GBF1: variants seen among roughly 807,000 people sequenced by gnomAD.
GBF1 encodes the protein golgi brefeldin A resistant guanine nucleotide exchange factor 1.
In GBF1, 114 loss-of-function variants were observed where a neutral mutation model predicts 210.5. The ratio of observed to expected loss-of-function variants is 0.54; its 90% CI spans 0.47 to 0.63. The LOEUF (loss-of-function observed/expected upper bound fraction) is 0.63. Ranked by LOEUF, GBF1 falls within the 30% of genes least tolerant of loss-of-function variation. The pLI is 0.00. For synonymous variants in GBF1, 850 were observed against 889.2 expected (o/e 0.96, Z 0.78); for missense variants, 1,851 against 2,357.7 (o/e 0.79, Z 4.45).
At chr10:102,315,186 A>G (rs2078824783) in intron 3 of GBF1, among the ~76,000 whole-genome samples, 1 of 152,240 alleles carries the variant, frequency 6.6e-6, no homozygotes, top group Admixed American at 6.5e-5. Context: ...CCACCAATTC[A>G]GAAACATCAG....
chr10:102,325,634 C>A (rs2056835078), intron 3 of GBF1, among the ~76,000 whole-genome samples: 1 of 151,120 alleles, frequency 6.6e-6, no homozygotes, highest in South Asian at 2.1e-4. Context: ...CCCATATGAA[C>A]TTACAAAAGT....
chr10:102,375,356 CA>C lies in GBF1; in HGVS notation c.3661-2del. The C allele has an allele frequency of 2.5e-6, 4 of 1,589,978 alleles. No homozygotes were observed. Among genetic ancestry groups the C allele is most frequent in the Non-Finnish European group, 3.5e-6 (4 of 1,158,224 alleles). ...CCCGCTCCCTGCCCTAACCCCACTC[CA>C]GGTGCTGCTCTCCCTGCGCATTTTG... is the stretch of plus-strand genomic sequence containing the variant. On this transcript the variant is annotated splice_acceptor_variant, in intron 29 of 39. Coordinates refer to ENST00000369983, the MANE Select transcript of GBF1 (RefSeq NM_001377137.1). LOFTEE classifies it high-confidence loss of function.
intron 3 of GBF1, among the ~76,000 whole-genome samples, chr10:102,290,094 G>A (rs893243542): frequency 1.3e-5 from 2 of 152,294 alleles, no homozygotes; most frequent in South Asian, 4.1e-4. Flanking sequence ...GGGCAACAGA[G>A]TAAGACCCTT....
At chr10:102,331,851 A>ATT (rs869198412) in intron 3 of GBF1, among the ~76,000 whole-genome samples, 5,122 of 85,330 alleles carry the variant, frequency 0.06, 684 homozygotes, top group African/African-American at 0.095. Flanking sequence ...TACCTGGCTA[A>ATT]TTTTTTTTTT....
Position 102,361,703 on chromosome 10 carries a change from C to A in GBF1, c.1492-15C>A. 2.0e-6 allele frequency: 3 copies of A among 1,537,186 alleles called. No homozygotes were observed. The highest frequency in any genetic ancestry group is 2.6e-6 in the Non-Finnish European group (3 of 1,138,428). ...CCTTTCCCCACCCAAATGGCAATTA[C>A]TGGGTTATTGCCAGATGTACATCAA... On this transcript the variant is annotated splice_polypyrimidine_tract_variant and intron_variant, in intron 13 of 39. Transcript: ENST00000369983.
chr10:102,274,283 ATGG>A (rs1227894934), intron 3 of GBF1, among the ~76,000 whole-genome samples: 3 of 152,126 alleles, frequency 2.0e-5, no homozygotes, highest in African/African-American at 7.2e-5. Flanking sequence ...AGGTTCTAGG[ATGG>A]TCAAAAGAAT....
Position 102,366,482 on chromosome 10 carries a change from G to C in GBF1, c.2409G>C (p.Leu803=). 1 of 1,614,080 alleles carries C rather than the reference G, an allele frequency of 6.2e-7. No homozygotes were observed. Among genetic ancestry groups the C allele is most frequent in the Non-Finnish European group, 8.5e-7 (1 of 1,179,948 alleles). The change falls in exon 19 of 40, where the codon CTG becomes CTC. Residue 803 remains leucine (L), a synonymous_variant. Transcript: ENST00000369983. This position sits in a 1 kb window ranked among gnomAD's most constrained non-coding sequence, Gnocchi z 4.0. ...AAGCACCAGTCATCCAGAGGTTGCT[G>C]GAGGCATTCACAGAGCGTTGGATGG... ...PGEAPVIQRL[L]EAFTERWMNC...
In GBF1 at chr10:102,281,949, CAG is replaced by C. The variant is rs1374560566; in HGVS notation, c.163+21836_163+21837del. ...TCTTTTCTTTTTTTTTTTTTTGAGA[CAG>C]AGTCTCGCTCTGTCGCCCAGGCTGG... On this transcript the variant is annotated intron_variant, in intron 3 of 39. Coordinates refer to ENST00000369983, the MANE Select transcript of GBF1 (RefSeq NM_001377137.1). 2.2e-4 allele frequency among the ~76,000 whole-genome samples: 32 copies of C among 143,058 alleles called. No individual in the cohort carries two copies. The East Asian group carries it at 5.9e-3, about 26-fold the overall frequency. 93.9% of individuals were successfully genotyped at this position (143,058 alleles called of 152,430 possible).
intron 39 of GBF1, 54 bp downstream of exon 39, chr10:102,381,309 A>T: frequency 6.3e-7 from 1 of 1,584,278 alleles, no homozygotes; most frequent in South Asian, 1.1e-5. Context: ...AGGGGGCCTA[A>T]GAGGAGGCCC....
At chr10:102,264,814 C>T (rs1263652702) in intron 3 of GBF1, among the ~76,000 whole-genome samples, 1 of 152,232 alleles carries the variant, frequency 6.6e-6, no homozygotes, top group East Asian at 1.9e-4. Flanking sequence ...TTGTGCTTCT[C>T]AGAGCGGGTG....
rs372433683 is a variant in GBF1 at position 102,265,220 on chromosome 10, C to G, written c.163+5104C>G. ...CCTTAGTTCCCTTCATCCAGTATAG[C>G]TTTATGGAAAGGGCTATAGTCAGTT... On this transcript the variant is annotated intron_variant, in intron 3 of 39. Coordinates refer to ENST00000369983, the MANE Select transcript of GBF1 (RefSeq NM_001377137.1). Among the ~76,000 whole-genome samples, 102 of 152,234 alleles carry G rather than the reference C, an allele frequency of 6.7e-4. 1 individual carries two copies. Among genetic ancestry groups the G allele is most frequent in the African/African-American group, 2.3e-3 (97 of 41,528 alleles).
intron 3 of GBF1, among the ~76,000 whole-genome samples, chr10:102,276,512 C>G (rs2074986268): frequency 7.6e-6 from 1 of 130,930 alleles, no homozygotes; most frequent in South Asian, 2.7e-4. Context: ...GGCGACAGAG[C>G]TAGACTCTGC....
intron 3 of GBF1, among the ~76,000 whole-genome samples, chr10:102,315,714 G>A (rs746261155): frequency 5.3e-5 from 8 of 152,046 alleles, no homozygotes; most frequent in Non-Finnish European, 8.8e-5. Context: ...ATGCTCACTC[G>A]CCCGCTGCTC....
chr10:102,368,593 G>A, intron 22 of GBF1, 139 bp downstream of exon 22: 1 of 803,078 alleles, frequency 1.2e-6, no homozygotes, highest in South Asian at 1.6e-5. Context: ...GCTGAAGCTT[G>A]GGTAGGCTCA....
At chr10:102,358,998 A>G in intron 10 of GBF1, 1 of 586,576 alleles carries the variant, frequency 1.7e-6, no homozygotes, top group Non-Finnish European at 3.0e-6. Context: ...CTTTTTCTGG[A>G]AGGTAATGAT....
chr10:102,335,185 G>A (rs778073874), intron 3 of GBF1, among the ~76,000 whole-genome samples: 5 of 152,174 alleles, frequency 3.3e-5, no homozygotes, highest in Middle Eastern at 3.2e-3. Context: ...GGAAGGATCC[G>A]AAGTGTTTTC....
At chr10:102,282,884 T>C (rs767741548) in intron 3 of GBF1, among the ~76,000 whole-genome samples, 9 of 152,120 alleles carry the variant, frequency 5.9e-5, no homozygotes, top group African/African-American at 1.9e-4. Context: ...TAAGAGATAG[T>C]AGAAAAATTT....
intron 3 of GBF1, among the ~76,000 whole-genome samples, chr10:102,304,896 C>T (rs961122690): frequency 6.6e-6 from 1 of 151,262 alleles, no homozygotes; most frequent in Non-Finnish European, 1.5e-5. Context: ...CCTGTAGTCC[C>T]AGCTACTCAG....
chr10:102,382,051 T>A lies in GBF1; in HGVS notation c.5303-5T>A. ...CTGACTGTAACCACCTTGCTTTCCCTACAGACTTTGAGAAGCCCGAGAGCC... is the reference window on the plus strand; with the variant it reads ...CTGACTGTAACCACCTTGCTTTCCCAACAGACTTTGAGAAGCCCGAGAGCC... On this transcript the variant is annotated splice_polypyrimidine_tract_variant and splice_region_variant and intron_variant, in intron 39 of 39. Coordinates refer to ENST00000369983, the MANE Select transcript of GBF1 (RefSeq NM_001377137.1). 6.5e-7 allele frequency: 1 copy of A among 1,532,122 alleles called. No homozygotes were observed. Among genetic ancestry groups the A allele is most frequent in the Non-Finnish European group, 8.8e-7 (1 of 1,141,738 alleles). The allele number at this position is 1,532,122 out of a possible 1,614,324, so 94.9% of individuals were successfully genotyped here. A position where few individuals can be genotyped will look rare whatever the true frequency, so the allele number is the denominator to read the frequency against.
Sources: allele counts gnomAD v4.1 joint callset (sites outside exome capture counted in the v4.1 genomes callset), GRCh38; gene constraint gnomAD v4.1.1; non-coding constraint Gnocchi (gnomAD v3.1); transcripts MANE v1.5; gene names NCBI Gene and HGNC (gene_info 2026-07-23, HGNC 2026-07-21).